The following KIAA1328 variants were observed in gnomAD, a reference collection of about 807,000 sequenced individuals.
The protein encoded by KIAA1328 is protein hinderin.
KIAA1328 carries 52 observed loss-of-function variants against 68.1 expected under a neutral mutation model. That is an observed-to-expected ratio of 0.76 (90% CI 0.61 to 0.96). The LOEUF (loss-of-function observed/expected upper bound fraction) is 0.96. KIAA1328 is among the 40% of genes least tolerant of loss of function. The probability of loss-of-function intolerance (pLI) is 0.00; values close to 1 mark genes in which losing one functional copy is unlikely to be tolerated. For missense variants in KIAA1328, 641 were observed against 677.6 expected (o/e 0.95, Z 0.60); for synonymous variants, 232 against 239.4 (o/e 0.97, Z 0.28).
intron 7 of KIAA1328, among the ~76,000 whole-genome samples, chr18:37,086,650 T>G (rs985389238): frequency 1.3e-5 from 2 of 152,194 alleles, no homozygotes; most frequent in African/African-American, 4.8e-5. Flanking sequence ...AAAAATGTCT[T>G]TAGTCAATCT....
At chr18:36,943,629 G>C (rs1188645045) in intron 5 of KIAA1328, among the ~76,000 whole-genome samples, 1 of 152,162 alleles carries the variant, frequency 6.6e-6, no homozygotes, top group Non-Finnish European at 1.5e-5. Flanking sequence ...AGGTGGTATA[G>C]ATAGAACTAG....
At chr18:36,968,926 A>C (rs984037238) in intron 6 of KIAA1328, among the ~76,000 whole-genome samples, 2 of 152,224 alleles carry the variant, frequency 1.3e-5, no homozygotes, top group Admixed American at 6.5e-5. Context: ...CCAAAATCAT[A>C]TATTAGCTAC....
intron 3 of KIAA1328, among the ~76,000 whole-genome samples, chr18:36,835,880 T>G (rs1180915262): frequency 6.6e-6 from 1 of 152,184 alleles, no homozygotes; most frequent in Non-Finnish European, 1.5e-5. Context: ...AGTTGTTCAA[T>G]ACCACTTCAC....
intron 5 of KIAA1328, chr18:36,921,339 C>T (rs1253353123): frequency 6.6e-6 from 1 of 151,522 alleles, no homozygotes; most frequent in African/African-American, 2.4e-5. Context: ...AAATTAACAA[C>T]AGAAGATGAA....
intron 7 of KIAA1328, among the ~76,000 whole-genome samples, chr18:37,072,602 T>C (rs1425596442): frequency 6.6e-6 from 1 of 152,152 alleles, no homozygotes; most frequent in Non-Finnish European, 1.5e-5. Context: ...CTCTTCTGGC[T>C]AGCTAATGAC....
intron 7 of KIAA1328, among the ~76,000 whole-genome samples, chr18:37,076,275 T>C (rs2056731915): frequency 6.6e-6 from 1 of 152,230 alleles, no homozygotes; most frequent in Non-Finnish European, 1.5e-5. Context: ...AAGATGTTCT[T>C]TGAAACTAAT....
intron 6 of KIAA1328, among the ~76,000 whole-genome samples, chr18:37,030,954 T>G (rs28768703): frequency 0.023 from 3,508 of 152,118 alleles, 133 homozygotes; most frequent in African/African-American, 0.08. Flanking sequence ...GTCCTTGGGA[T>G]AGTTTGCTCA....
In KIAA1328 at chr18:36,948,270, T is replaced by G. The variant is rs553504159; in HGVS notation, c.449-11038T>G. On this transcript the variant is annotated intron_variant, in intron 5 of 9. Transcript: ENST00000280020. ...TGTTTGTTTGTCTTTTGTTTTTTTT[T>G]TTTTTTTTTTGAGACAGAGTCTTAC... Among the ~76,000 whole-genome samples, 20 of 145,980 alleles carry G rather than the reference T, an allele frequency of 1.4e-4. No homozygotes were observed. The East Asian group carries it at 1.8e-3, about 13-fold the overall frequency.
At chr18:37,031,480 A>C (rs926650865) in intron 6 of KIAA1328, among the ~76,000 whole-genome samples, 2 of 152,166 alleles carry the variant, frequency 1.3e-5, no homozygotes, top group African/African-American at 4.8e-5. Flanking sequence ...TAATATAGCC[A>C]CTTCAGCTTT....
At chr18:37,127,680 T>C (rs1353351269) in intron 7 of KIAA1328, among the ~76,000 whole-genome samples, 1 of 152,220 alleles carries the variant, frequency 6.6e-6, no homozygotes, top group East Asian at 1.9e-4. Flanking sequence ...GTGGATTCAA[T>C]GCAATCCAAA....
intron 7 of KIAA1328, among the ~76,000 whole-genome samples, chr18:37,136,650 G>A (rs1033186564): frequency 6.6e-6 from 1 of 152,206 alleles, no homozygotes; most frequent in African/African-American, 2.4e-5. Flanking sequence ...AGTAGAGTAA[G>A]GCCTGGTCTC....
chr18:37,053,227 C>A (rs1370387276), intron 6 of KIAA1328, among the ~76,000 whole-genome samples: 1 of 152,066 alleles, frequency 6.6e-6, no homozygotes, highest in Non-Finnish European at 1.5e-5. Context: ...CAAAGGTACA[C>A]AATGGAGAGA....
rs373706042 is a variant in KIAA1328 at position 36,959,340 on chromosome 18, C to G, written c.481C>G (p.Leu161Val). 2 of 1,604,466 alleles carry G rather than the reference C, an allele frequency of 1.2e-6. No homozygotes were observed. The highest frequency in any genetic ancestry group is 1.3e-5 in the African/African-American group (1 of 74,794). The change falls in exon 6 of 10, where the codon CTT becomes GTT. Residue 161 changes from leucine to valine, a missense_variant. Transcript: ENST00000280020. ...LQLQYRECQE[L>V]LSLYQKYLSE... The stretch of plus-strand genomic sequence containing the variant: ...GCTACAGTATAGAGAATGCCAAGAA[C>G]TTCTAAGCCTGTATCAGAAATATTT...
chr18:37,128,685 A>G (rs1008490835), intron 7 of KIAA1328, among the ~76,000 whole-genome samples: 21 of 152,242 alleles, frequency 1.4e-4, no homozygotes, highest in African/African-American at 4.8e-4. Flanking sequence ...ACAAGGACAC[A>G]AAGACCTGTA....
At chr18:37,153,624 C>CTTTTT (rs772159270) in intron 7 of KIAA1328, among the ~76,000 whole-genome samples, 12 of 95,670 alleles carry the variant, frequency 1.3e-4, no homozygotes, top group South Asian at 6.7e-4. Flanking sequence ...AATCCAATAG[C>CTTTTT]TTTTTTTTTT....
intron 3 of KIAA1328, among the ~76,000 whole-genome samples, chr18:36,843,709 A>T (rs1056764208): frequency 3.9e-5 from 6 of 152,208 alleles, no homozygotes; most frequent in African/African-American, 1.4e-4. Context: ...CAAAGTGCTT[A>T]CAATATTCCT....
Position 37,018,780 on chromosome 18 carries a change from C to G in KIAA1328, c.577-48110C>G, listed in dbSNP as rs904210429. Among the ~76,000 whole-genome samples the G allele has an allele frequency of 5.9e-5, 6 of 102,530 alleles. No homozygotes were observed. The East Asian group carries it at 3.0e-3, about 51-fold the overall frequency. The allele number at this position is 102,530 out of a possible 152,430, so 67.3% of individuals were successfully genotyped here. ...AGTGAGTTTTTCAATTCCAGAGGCA[C>G]TGAATGATTTTTTTTTTAATGATTT... is the stretch of plus-strand genomic sequence containing the variant. On this transcript the variant is annotated intron_variant, in intron 6 of 9. Coordinates refer to ENST00000280020, the MANE Select transcript of KIAA1328 (RefSeq NM_020776.3).
In KIAA1328 at chr18:37,067,016, G is replaced by A. The variant is rs1356228565; in HGVS notation, c.703G>A (p.Ala235Thr). Reference sequence around the variant, plus strand: ...ACCTAAGTCTGCAGTCCAGGATTCAGCTTCAGAATCCCTTATAGCATTTAG... The same window carrying A: ...ACCTAAGTCTGCAGTCCAGGATTCAACTTCAGAATCCCTTATAGCATTTAG... The part of the protein sequence containing the change: ...QRPKSAVQDS[A>T]SESLIAFRNN... Residue 235 changes from alanine to threonine, a missense_variant, in exon 7 of 10, where the codon GCT (alanine) becomes ACT (threonine). By Grantham distance (58) the Ala-to-Thr change is moderately conservative. Coordinates refer to ENST00000280020, the MANE Select transcript of KIAA1328 (RefSeq NM_020776.3). 1.9e-6 allele frequency: 3 copies of A among 1,613,752 alleles called. No individual in the cohort carries two copies. Among genetic ancestry groups the A allele is most frequent in the African/African-American group, 1.3e-5 (1 of 74,912 alleles).
intron 7 of KIAA1328, among the ~76,000 whole-genome samples, chr18:37,147,367 G>A (rs2058926172): frequency 6.6e-6 from 1 of 151,766 alleles, no homozygotes; most frequent in South Asian, 2.1e-4. Flanking sequence ...CCTTGACTGT[G>A]GTTAACATTT....
Sources: allele counts gnomAD v4.1 joint callset (sites outside exome capture counted in the v4.1 genomes callset), GRCh38; gene constraint gnomAD v4.1.1; transcripts MANE v1.5; gene names NCBI Gene and HGNC (gene_info 2026-07-23, HGNC 2026-07-21).